CDH4: variants seen among roughly 807,000 people sequenced by gnomAD.
CDH4 encodes cadherin-4.
In CDH4, 33 loss-of-function variants were observed where a neutral mutation model predicts 86.0. The ratio of observed to expected loss-of-function variants is 0.38; its 90% confidence interval spans 0.29 to 0.51. The LOEUF (loss-of-function observed/expected upper bound fraction) is 0.51, where lower values mean the gene tolerates loss of function less well. Among genes scored for constraint, CDH4 ranks in the 20% least tolerant of loss-of-function variants. The pLI is 0.86. For missense variants in CDH4, 1,114 were observed against 1,307.4 expected (o/e 0.85, Z 2.28); for synonymous variants, 555 against 549.4 (o/e 1.01, Z -0.14).
chr20:61,635,977 A>G (rs1452506532), intron 2 of CDH4, among the ~76,000 whole-genome samples: 1 of 152,222 alleles, frequency 6.6e-6, no homozygotes, highest in African/African-American at 2.4e-5. Flanking sequence ...AGCCCCAGAA[A>G]GTGTGGCCGT....
At chr20:61,538,814 C>G (rs1221901396) in intron 2 of CDH4, among the ~76,000 whole-genome samples, 1 of 152,258 alleles carries the variant, frequency 6.6e-6, no homozygotes, top group Non-Finnish European at 1.5e-5. Context: ...CACATACTTG[C>G]TGGCTCCCTG....
At position 61,937,968 on chromosome 20, in the gene CDH4, C is replaced by T. The variant is rs990255128; in HGVS notation, c.*1025C>T. On this transcript the variant is annotated 3_prime_UTR_variant, in exon 16 of 16. Transcript: ENST00000614565. Reference sequence around the variant, plus strand: ...AGATGGCAGGAACCAAGGACCCTCCCTGGCAGCTGAAGAGGGCAGTTACGG... The same window carrying T: ...AGATGGCAGGAACCAAGGACCCTCCTTGGCAGCTGAAGAGGGCAGTTACGG... The T allele has an allele frequency of 1.2e-4, 19 of 152,472 alleles. No individual in the cohort carries two copies. The highest frequency in any genetic ancestry group is 4.1e-4 in the African/African-American group (17 of 41,458). 9.4% of individuals were successfully genotyped at this position (152,472 alleles called of 1,614,324 possible). A position where few individuals can be genotyped will look rare whatever the true frequency, so the allele number is the denominator to read the frequency against.
intron 2 of CDH4, among the ~76,000 whole-genome samples, chr20:61,574,971 A>G (rs770440244): frequency 3.3e-5 from 5 of 152,230 alleles, no homozygotes; most frequent in African/African-American, 4.8e-5. Flanking sequence ...TGATAAACTC[A>G]TGAAGAGTGC....
chr20:61,464,992 T>C (rs768062430), intron 2 of CDH4, among the ~76,000 whole-genome samples: 12 of 152,240 alleles, frequency 7.9e-5, no homozygotes, highest in Non-Finnish European at 1.3e-4. Flanking sequence ...TTGGATCTTT[T>C]ATTAAGTAGG....
At chr20:61,721,559 T>C (rs2088042188) in intron 2 of CDH4, among the ~76,000 whole-genome samples, 1 of 152,262 alleles carries the variant, frequency 6.6e-6, no homozygotes, top group Non-Finnish European at 1.5e-5. Flanking sequence ...TTTTCACTGC[T>C]ATCTTAAAAA....
At chr20:61,436,871 ATCTC>A (rs1288626062) in intron 2 of CDH4, among the ~76,000 whole-genome samples, 1 of 152,152 alleles carries the variant, frequency 6.6e-6, no homozygotes. Flanking sequence ...AGACACTCCA[ATCTC>A]TCAGGAAATT....
At chr20:61,588,319 C>T (rs1416671427) in intron 2 of CDH4, among the ~76,000 whole-genome samples, 3 of 152,050 alleles carry the variant, frequency 2.0e-5, no homozygotes, top group Non-Finnish European at 4.4e-5. Context: ...GTCTCGCAGC[C>T]TCCATCAGTC....
intron 2 of CDH4, among the ~76,000 whole-genome samples, chr20:61,647,719 G>A (rs1419063087): frequency 6.6e-6 from 1 of 152,102 alleles, no homozygotes; most frequent in East Asian, 1.9e-4. Flanking sequence ...GGTGTTCTGT[G>A]TCTGTGGGGT....
Position 61,645,120 on chromosome 20 carries a change from A to G in CDH4, c.170-98443A>G, listed in dbSNP as rs2087048648. On this transcript the variant is annotated intron_variant, in intron 2 of 15. Transcript: ENST00000614565. The stretch of plus-strand genomic sequence containing the variant: ...AGGCCCCATCTCCAAATTCAAGCAC[A>G]CTCAAGTTAGTTACTAGGTTTTCAG... Among the ~76,000 whole-genome samples, 3 of 152,066 alleles carry G rather than the reference A, an allele frequency of 2.0e-5. No homozygotes were observed. The South Asian group carries it at 6.2e-4, about 32-fold the overall frequency.
chr20:61,752,188 T>A (rs983347773), intron 3 of CDH4, among the ~76,000 whole-genome samples: 1 of 151,970 alleles, frequency 6.6e-6, no homozygotes, highest in Non-Finnish European at 1.5e-5. Flanking sequence ...AAAAATTAGC[T>A]AGGCATGGTG....
At chr20:61,907,418 G>C (rs1199013814) in intron 8 of CDH4, among the ~76,000 whole-genome samples, 12 of 151,916 alleles carry the variant, frequency 7.9e-5, no homozygotes, top group Non-Finnish European at 1.8e-4. Flanking sequence ...AGGACTGCAG[G>C]GCTGAGATCA....
chr20:61,852,136 C>A (rs1232185924), intron 5 of CDH4, among the ~76,000 whole-genome samples: 3 of 151,606 alleles, frequency 2.0e-5, no homozygotes, highest in South Asian at 2.1e-4. Flanking sequence ...CGGATCCCCC[C>A]ACCCCACCAC....
chr20:61,617,453 G>A (rs1426268270), intron 2 of CDH4, among the ~76,000 whole-genome samples: 1 of 152,244 alleles, frequency 6.6e-6, no homozygotes, highest in Non-Finnish European at 1.5e-5. Context: ...GCTGGGGAGT[G>A]AAGCCCCCAT....
chr20:61,300,270 T>C lies in CDH4; in HGVS notation c.169+45333T>C, dbSNP rs1057438739. Among the ~76,000 whole-genome samples the C allele has an allele frequency of 2.2e-4, 33 of 151,800 alleles. No individual in the cohort carries two copies. The East Asian group carries it at 3.1e-3, about 14-fold the overall frequency. ...CCGGGGCAATCGGCGGGTAAAGGGA[T>C]ATTAAGGGAACACTTGAAAAATGAG... On this transcript the variant is annotated intron_variant, in intron 2 of 15. Transcript: ENST00000614565.
At chr20:61,837,288 G>T (rs944106140) in intron 4 of CDH4, among the ~76,000 whole-genome samples, 1 of 152,212 alleles carries the variant, frequency 6.6e-6, no homozygotes, top group Non-Finnish European at 1.5e-5. Flanking sequence ...TTCGTCTCCT[G>T]TGGAGCATCC....
intron 2 of CDH4, among the ~76,000 whole-genome samples, chr20:61,609,766 G>C (rs1439325184): frequency 6.6e-6 from 1 of 152,244 alleles, no homozygotes; most frequent in Non-Finnish European, 1.5e-5. Flanking sequence ...GCATGCACTT[G>C]ATTGCCATTT....
At chr20:61,289,595 A>T (rs1390622355) in intron 2 of CDH4, among the ~76,000 whole-genome samples, 1 of 152,214 alleles carries the variant, frequency 6.6e-6, no homozygotes, top group African/African-American at 2.4e-5. Context: ...CTGCCTTTGG[A>T]TTAAAGAGCC....
At chr20:61,548,995 C>T (rs906987849) in intron 2 of CDH4, among the ~76,000 whole-genome samples, 1 of 151,448 alleles carries the variant, frequency 6.6e-6, no homozygotes, top group Non-Finnish European at 1.5e-5. Flanking sequence ...GGGGGAGAGG[C>T]GGGTGGAAGC....
chr20:61,701,625 C>T (rs2087777283), intron 2 of CDH4, among the ~76,000 whole-genome samples: 1 of 152,186 alleles, frequency 6.6e-6, no homozygotes, highest in African/African-American at 2.4e-5. Context: ...GTCTACGGAT[C>T]AGTTGGGGGT....
Sources: allele counts gnomAD v4.1 joint callset (sites outside exome capture counted in the v4.1 genomes callset), GRCh38; gene constraint gnomAD v4.1.1; transcripts MANE v1.5; gene names NCBI Gene and HGNC (gene_info 2026-07-23, HGNC 2026-07-21).